AFF3: variants seen among roughly 807,000 people sequenced by gnomAD.
AFF3 encodes ALF transcription elongation factor 3.
AFF3 carries 32 observed loss-of-function variants against 129.7 expected under a neutral mutation model. The observed-to-expected ratio is 0.25, with a 90% confidence interval of 0.19 to 0.33. The LOEUF is 0.33. Ranked by LOEUF, AFF3 falls within the 10% of genes least tolerant of loss-of-function variation. The pLI, the probability that AFF3 is intolerant of heterozygous loss-of-function variation, is 1.00. For missense variants in AFF3, 1,373 were observed against 1,592.0 expected (o/e 0.86, Z 2.34); for synonymous variants, 644 against 635.4 (o/e 1.01, Z -0.20).
At chr2:99,575,804 T>C (rs1676935838) in intron 18 of AFF3, among the ~76,000 whole-genome samples, 2 of 152,214 alleles carry the variant, frequency 1.3e-5, no homozygotes, top group South Asian at 2.1e-4. Context: ...AGGAAAATTA[T>C]ACACATTGCT....
At position 100,080,360 on chromosome 2, in the gene AFF3, T is replaced by G. The variant is rs563021391; in HGVS notation, c.53+24042A>C. Among the ~76,000 whole-genome samples, 5 of 152,368 alleles carry G rather than the reference T, an allele frequency of 3.3e-5. No individual in the cohort carries two copies. The South Asian group carries it at 1.0e-3, about 32-fold the overall frequency. On this transcript the variant is annotated intron_variant, in intron 4 of 24. Coordinates refer to ENST00000672756, the MANE Select transcript of AFF3 (RefSeq NM_001386135.1). Reference sequence around the variant, plus strand: ...TCTGTCAAAGAATATTACTTTTAATTAAAACGTTAATATAGTTCATCTTGA... The same window carrying G: ...TCTGTCAAAGAATATTACTTTTAATGAAAACGTTAATATAGTTCATCTTGA...
chr2:99,793,631 T>C (rs996856588), intron 8 of AFF3, among the ~76,000 whole-genome samples: 1 of 152,238 alleles, frequency 6.6e-6, no homozygotes, highest in Non-Finnish European at 1.5e-5. Context: ...TGTCCTCTCT[T>C]TCATTGCTCA....
intron 7 of AFF3, among the ~76,000 whole-genome samples, chr2:99,978,291 T>C (rs1381645065): frequency 1.3e-5 from 2 of 152,182 alleles, no homozygotes; most frequent in Non-Finnish European, 2.9e-5. Context: ...TGAGTGCCTG[T>C]TGTAAAGCTA....
chr2:100,026,931 GA>G (rs765255094), intron 4 of AFF3, among the ~76,000 whole-genome samples: 3 of 144,174 alleles, frequency 2.1e-5, no homozygotes, highest in Non-Finnish European at 3.0e-5. Flanking sequence ...GACTTGGGGG[GA>G]AGGGTGGGAG....
intron 11 of AFF3, among the ~76,000 whole-genome samples, chr2:99,708,991 C>T (rs1249337851): frequency 6.6e-6 from 1 of 151,942 alleles, no homozygotes; most frequent in Non-Finnish European, 1.5e-5. Context: ...AAGAATAATA[C>T]AAGATAGGTG....
Position 100,099,839 on chromosome 2 carries a change from G to A in AFF3, c.53+4563C>T, listed in dbSNP as rs535635580. On this transcript the variant is annotated intron_variant, in intron 4 of 24. Coordinates refer to ENST00000672756, the MANE Select transcript of AFF3 (RefSeq NM_001386135.1). Reference sequence around the variant, plus strand: ...GAAAGAGGATAGGAAATATCCAAGTGTATCACACATAGTAATAAGCGTTAT... The same window carrying A: ...GAAAGAGGATAGGAAATATCCAAGTATATCACACATAGTAATAAGCGTTAT... Among the ~76,000 whole-genome samples, 4 of 152,288 alleles carry A rather than the reference G, an allele frequency of 2.6e-5. No individual in the cohort carries two copies. The East Asian group carries it at 7.7e-4, about 29-fold the overall frequency.
intron 7 of AFF3, among the ~76,000 whole-genome samples, chr2:99,876,487 G>A (rs901304771): frequency 6.6e-6 from 1 of 151,898 alleles, no homozygotes; most frequent in Admixed American, 6.6e-5. Context: ...ACGATACCCC[G>A]ATCCATCTCC....
chr2:99,801,105 C>T (rs1685910109), intron 8 of AFF3, among the ~76,000 whole-genome samples: 1 of 152,072 alleles, frequency 6.6e-6, no homozygotes. Flanking sequence ...TGAAAGCTTA[C>T]CAAATTATCT....
At position 100,060,013 on chromosome 2, in the gene AFF3, C is replaced by T. The variant is rs1687127723; in HGVS notation, c.53+44389G>A. ...TGACTAAGTGTATCCTTCTGATCCA[C>T]TCGTGTGCAGTTAGAGAACACCCAA... On this transcript the variant is annotated intron_variant, in intron 4 of 24. Transcript: ENST00000672756. Among the ~76,000 whole-genome samples the T allele has an allele frequency of 3.9e-5, 6 of 152,288 alleles. No individual in the cohort carries two copies. The South Asian group carries it at 1.2e-3, about 32-fold the overall frequency.
chr2:99,707,284 A>T (rs1677489412), intron 11 of AFF3: 1 of 985,272 alleles, frequency 1.0e-6, no homozygotes, highest in Admixed American at 6.1e-5. Flanking sequence ...TCTTGCTTTT[A>T]GTAATTTGTC....
At chr2:99,999,971 T>A (rs1681229542) in intron 7 of AFF3, among the ~76,000 whole-genome samples, 1 of 152,002 alleles carries the variant, frequency 6.6e-6, no homozygotes, top group Admixed American at 6.6e-5. Flanking sequence ...GCAACAGGAG[T>A]GTCCAGGCAT....
chr2:99,582,093 G>A (rs1285705876), intron 17 of AFF3, among the ~76,000 whole-genome samples: 3 of 151,946 alleles, frequency 2.0e-5, no homozygotes, highest in Non-Finnish European at 4.4e-5. Flanking sequence ...GACCTCAGGC[G>A]ATCCGCCCGC....
intron 7 of AFF3, among the ~76,000 whole-genome samples, chr2:99,915,674 G>A (rs970797622): frequency 1.7e-4 from 26 of 151,832 alleles, no homozygotes; most frequent in Non-Finnish European, 3.4e-4. Context: ...ACTTTGCACT[G>A]GGCCCCATGA....
chr2:99,982,152 T>C (rs1184584508), intron 7 of AFF3, among the ~76,000 whole-genome samples: 1 of 152,232 alleles, frequency 6.6e-6, no homozygotes, highest in Non-Finnish European at 1.5e-5. Flanking sequence ...AGGTGACTGA[T>C]ATGGTTTGGC....
chr2:99,913,497 T>C (rs1411173486), intron 7 of AFF3, among the ~76,000 whole-genome samples: 1 of 152,192 alleles, frequency 6.6e-6, no homozygotes, highest in Non-Finnish European at 1.5e-5. Context: ...TGTGGACAGA[T>C]ATACGTATGT....
At chr2:100,076,684 C>T (rs1003154206) in intron 4 of AFF3, among the ~76,000 whole-genome samples, 2 of 152,158 alleles carry the variant, frequency 1.3e-5, no homozygotes, top group African/African-American at 4.8e-5. Context: ...CCATTTTCTC[C>T]CCTTTTTCCT....
In AFF3 at chr2:99,551,172, G is replaced by C. The variant is rs1002850986; in HGVS notation, c.*302C>G. ...GTGTACGGTGTGTGTGTGTGTGTGT[G>C]TGTGTGTGTGTACTTCCTCTAGTCA... On this transcript the variant is annotated 3_prime_UTR_variant, in exon 25 of 25. Coordinates refer to ENST00000672756, the MANE Select transcript of AFF3 (RefSeq NM_001386135.1). 1 of 533,348 alleles carries C rather than the reference G, an allele frequency of 1.9e-6. No homozygotes were observed. Among genetic ancestry groups the C allele is most frequent in the African/African-American group, 1.9e-5 (1 of 53,274 alleles). 33.0% of individuals were successfully genotyped at this position (533,348 alleles called of 1,614,324 possible).
intron 1 of AFF3, among the ~76,000 whole-genome samples, chr2:100,138,598 T>A (rs1026666873): frequency 6.6e-6 from 1 of 152,134 alleles, no homozygotes; most frequent in Non-Finnish European, 1.5e-5. Flanking sequence ...TTAAAAAGAT[T>A]TCTCTTTACT....
At chr2:99,870,029 A>C (rs1370644411) in intron 7 of AFF3, among the ~76,000 whole-genome samples, 2 of 152,184 alleles carry the variant, frequency 1.3e-5, no homozygotes, top group Non-Finnish European at 1.5e-5. Flanking sequence ...CCCATTAGTA[A>C]GTTTCTATGA....
Sources: allele counts gnomAD v4.1 joint callset (sites outside exome capture counted in the v4.1 genomes callset), GRCh38; gene constraint gnomAD v4.1.1; transcripts MANE v1.5; gene names NCBI Gene and HGNC (gene_info 2026-07-23, HGNC 2026-07-21).